The following CACNA1B variants were observed in gnomAD, a reference collection of about 807,000 sequenced individuals.
CACNA1B encodes the protein voltage-dependent N-type calcium channel subunit alpha-1B.
CACNA1B carries 70 observed loss-of-function variants against 247.2 expected under a neutral mutation model. The ratio of observed to expected loss-of-function variants is 0.28; its 90% confidence interval spans 0.23 to 0.35. The LOEUF (loss-of-function observed/expected upper bound fraction) is 0.35, where lower values mean the gene tolerates loss of function less well. Among genes scored for constraint, CACNA1B ranks in the 10% least tolerant of loss-of-function variants. The pLI, the probability that CACNA1B is intolerant of heterozygous loss-of-function variation, is 1.00. For synonymous variants in CACNA1B, 1,231 were observed against 1,294.4 expected (o/e 0.95, Z 1.05); for missense variants, 2,367 against 3,197.4 (o/e 0.74, Z 6.26).
rs1962057470 is a variant in CACNA1B, at chr9:138,120,695, ACGAGAGCGCCGGCAGGAGCGGGGC to A, written c.6306_6329del (p.Glu2103_Arg2110del). 1.3e-6 allele frequency: 2 copies of A among 1,517,812 alleles called. No homozygotes were observed. The highest frequency in any genetic ancestry group is 5.0e-5 in the Admixed American group (2 of 39,632). 94.0% of individuals were successfully genotyped at this position (1,517,812 alleles called of 1,614,324 possible). A position where few individuals can be genotyped will look rare whatever the true frequency, so the allele number is the denominator to read the frequency against. The stretch of plus-strand genomic sequence containing the variant: ...AGGGGCCTACAGGCTGCCGGCGGGA[ACGAGAGCGCCGGCAGGAGCGGGGC>A]CGGTCCCAGGAGCGGAGGCAGCCCT... On this transcript the variant is annotated inframe_deletion, in exon 46 of 47. Transcript: ENST00000371372.
At chr9:138,087,808 CA>C (rs1960751598) in intron 36 of CACNA1B, among the ~76,000 whole-genome samples, 1 of 150,306 alleles carries the variant, frequency 6.7e-6, no homozygotes, top group Non-Finnish European at 1.5e-5. Context: ...TAACTTGAAC[CA>C]GGGGCAGGGT....
At chr9:137,929,695 C>T (rs1957588105) in intron 6 of CACNA1B, among the ~76,000 whole-genome samples, 1 of 152,158 alleles carries the variant, frequency 6.6e-6, no homozygotes, top group African/African-American at 2.4e-5. Context: ...CTGTGTCACT[C>T]AGGCTGGAGT....
chr9:138,059,832 C>A lies in CACNA1B; in HGVS notation c.4668+95C>A. Reference sequence around the variant, plus strand: ...GCATCTCCAGGCCCTGTGTTAGCCTCTTCCTGGGTTCCGCAGAACCCCCTG... The same window carrying A: ...GCATCTCCAGGCCCTGTGTTAGCCTATTCCTGGGTTCCGCAGAACCCCCTG... On this transcript the variant is annotated intron_variant, in intron 31 of 46. Coordinates refer to ENST00000371372, the MANE Select transcript of CACNA1B (RefSeq NM_000718.4). This position sits in a 1 kb window ranked among gnomAD's most constrained non-coding sequence, Gnocchi z 4.2. 1.3e-6 allele frequency: 1 copy of A among 758,638 alleles called. No homozygotes were observed. 47.0% of individuals were successfully genotyped at this position (758,638 alleles called of 1,614,324 possible). A position where few individuals can be genotyped will look rare whatever the true frequency, so the allele number is the denominator to read the frequency against.
rs371737245 is a variant in CACNA1B at position 138,121,589 on chromosome 9, A to G, written c.6610A>G (p.Lys2204Glu). The stretch of plus-strand genomic sequence containing the variant: ...GACTCCCCGCCCCAGCATCACCTAC[A>G]AGACGGCCAACTCCTCACCCATCCA... ...PLTPRPSITY[K>E]TANSSPIHFA... Residue 2204 changes from lysine (K) to glutamate (E), a missense_variant, in exon 47 of 47, where the codon AAG becomes GAG. Lys to Glu is a moderately conservative substitution (Grantham distance 56). This residue lies in a region of CACNA1B where 773 missense variants were observed against 779.4 expected (regional missense o/e 0.99). Transcript: ENST00000371372. The surrounding 1 kb of genome is among the most constrained non-coding windows in gnomAD (Gnocchi z 6.8). The G allele has an allele frequency of 3.7e-6, 6 of 1,612,310 alleles. No individual in the cohort carries two copies. Among genetic ancestry groups the G allele is most frequent in the Non-Finnish European group, 5.1e-6 (6 of 1,179,166 alleles).
chr9:137,937,900 T>A (rs1270116352), intron 6 of CACNA1B, among the ~76,000 whole-genome samples: 1 of 124,802 alleles, frequency 8.0e-6, no homozygotes, highest in East Asian at 2.4e-4. Context: ...TGAGCCAAGA[T>A]CGCACCATTG....
chr9:138,010,288 C>T lies in CACNA1B; in HGVS notation c.2160+211C>T, dbSNP rs1958707643. Among the ~76,000 whole-genome samples the T allele has an allele frequency of 6.6e-6, 1 of 152,140 alleles. No individual in the cohort carries two copies. The highest frequency in any genetic ancestry group is 1.5e-5 in the Non-Finnish European group (1 of 68,006). On this transcript the variant is annotated intron_variant, in intron 17 of 46. Coordinates refer to ENST00000371372, the MANE Select transcript of CACNA1B (RefSeq NM_000718.4). This position sits in a 1 kb window ranked among gnomAD's most constrained non-coding sequence, Gnocchi z 5.3. ...CCCCGAAGGCAGATGGACAGGCAGG[C>T]TCTCAGGGAAGCCAGCACAGGGAAG...
chr9:138,032,556 G>GTA (rs2133452330), intron 20 of CACNA1B: 1 of 352,288 alleles, frequency 2.8e-6, no homozygotes, highest in South Asian at 2.1e-5. Flanking sequence ...TTCTTTTGTG[G>GTA]TAGGTCTGCG....
At chr9:137,929,890 G>A (rs919948520) in intron 6 of CACNA1B, among the ~76,000 whole-genome samples, 8 of 152,128 alleles carry the variant, frequency 5.3e-5, no homozygotes, top group African/African-American at 1.9e-4. Flanking sequence ...CTGGGCTCAG[G>A]CGATTCTCCC....
intron 42 of CACNA1B, 31 bp downstream of exon 42, chr9:138,115,710 C>G: frequency 6.3e-7 from 1 of 1,593,904 alleles, no homozygotes; most frequent in South Asian, 1.1e-5. Context: ...CATAGCTGGA[C>G]AGGAGGAGGT....
In CACNA1B at chr9:137,898,480, CTGT is replaced by C. The variant is rs565974521; in HGVS notation, c.531-14695_531-14693del. 1.8e-4 allele frequency among the ~76,000 whole-genome samples: 27 copies of C among 151,980 alleles called. 1 individual carries two copies. Among genetic ancestry groups the C allele is most frequent in the South Asian group, 1.5e-3 (7 of 4,812 alleles). On this transcript the variant is annotated intron_variant, in intron 3 of 46. Transcript: ENST00000371372. Reference sequence around the variant, plus strand: ...TATGGTTCCATAGTTCCTTGAGGCTCTGTTGTTCTTCTTCTTCTTGTTTTTTCT... The same window carrying C: ...TATGGTTCCATAGTTCCTTGAGGCTCTGTTCTTCTTCTTCTTGTTTTTTCT...
intron 3 of CACNA1B, among the ~76,000 whole-genome samples, chr9:137,900,588 G>A (rs1323725547): frequency 1.3e-5 from 2 of 150,408 alleles, no homozygotes; most frequent in Non-Finnish European, 3.0e-5. Context: ...GTGTCCGTGT[G>A]TCCATGTCTG....
intron 31 of CACNA1B, among the ~76,000 whole-genome samples, chr9:138,066,121 A>C (rs1959905534): frequency 6.6e-6 from 1 of 152,212 alleles, no homozygotes; most frequent in Admixed American, 6.5e-5. Flanking sequence ...GATAAGGAAG[A>C]GATCCAGTTT....
intron 15 of CACNA1B, among the ~76,000 whole-genome samples, chr9:137,989,806 T>C (rs549453649): frequency 6.6e-6 from 1 of 152,308 alleles, no homozygotes; most frequent in African/African-American, 2.4e-5. Flanking sequence ...CTTATACATT[T>C]AGTAAAGTGG....
intron 15 of CACNA1B, among the ~76,000 whole-genome samples, chr9:137,997,680 G>A (rs1310518651): frequency 6.6e-6 from 1 of 152,200 alleles, no homozygotes; most frequent in Non-Finnish European, 1.5e-5. Context: ...TTAAGATTTA[G>A]AGAAGAAGTG....
chr9:137,967,166 GCCTTC>G (rs1299348377), intron 10 of CACNA1B, among the ~76,000 whole-genome samples: 15 of 152,146 alleles, frequency 9.9e-5, no homozygotes, highest in Non-Finnish European at 1.9e-4. Flanking sequence ...ACAAAAGGTT[GCCTTC>G]CCTTCCCTGC....
rs1285891562 is a variant in CACNA1B, at chr9:138,123,663, A to G, written c.*1664A>G. 1 of 151,964 alleles carries G rather than the reference A, an allele frequency of 6.6e-6. No individual in the cohort carries two copies. The highest frequency in any genetic ancestry group is 2.1e-4 in the South Asian group (1 of 4,812). 9.4% of individuals were successfully genotyped at this position (151,964 alleles called of 1,614,324 possible). A position where few individuals can be genotyped will look rare whatever the true frequency, so the allele number is the denominator to read the frequency against. On this transcript the variant is annotated 3_prime_UTR_variant, in exon 47 of 47. Transcript: ENST00000371372. Reference sequence around the variant, plus strand: ...ATGTCATTAACCCATAGGGCTATGCAACAAAAGACACATTTAATAGAAGTA... The same window carrying G: ...ATGTCATTAACCCATAGGGCTATGCGACAAAAGACACATTTAATAGAAGTA...
chr9:137,880,027 G>C lies in CACNA1B; in HGVS notation c.390+868G>C, dbSNP rs753946071. 2.0e-5 allele frequency among the ~76,000 whole-genome samples: 3 copies of C among 152,178 alleles called. No homozygotes were observed. Among genetic ancestry groups the C allele is most frequent in the Non-Finnish European group, 2.9e-5 (2 of 68,030 alleles). On this transcript the variant is annotated intron_variant, in intron 2 of 46. Coordinates refer to ENST00000371372, the MANE Select transcript of CACNA1B (RefSeq NM_000718.4). This position sits in a 1 kb window ranked among gnomAD's most constrained non-coding sequence, Gnocchi z 4.8. ...GCGGGGCCAGAGGCGTCCAGGAGAC[G>C]GCCTCTCTGGGGTGTCAGGAGCTGC...
At chr9:138,119,885 A>G (rs1466270010) in intron 44 of CACNA1B, among the ~76,000 whole-genome samples, 1 of 152,192 alleles carries the variant, frequency 6.6e-6, no homozygotes, top group African/African-American at 2.4e-5. Flanking sequence ...CATTGCAGCC[A>G]GCAGAGGCGT....
chr9:138,049,386 T>C (rs1170060121), intron 24 of CACNA1B, 71 bp downstream of exon 24: 3 of 1,011,572 alleles, frequency 3.0e-6, no homozygotes, highest in African/African-American at 1.6e-5. Context: ...GGTGAGGGAA[T>C]AAGGAAGAGG....
Sources: gnomAD v4.1 joint callset for allele counts (sites outside exome capture counted in the v4.1 genomes callset) on GRCh38, gnomAD v4.1.1 for gene constraint, gnomAD v4.1.1 regional missense constraint, Gnocchi (gnomAD v3.1) non-coding constraint, MANE v1.5 for transcripts, NCBI Gene and HGNC (gene_info 2026-07-23, HGNC 2026-07-21) for gene names.